Variants in POP4 observed in about 807,000 individuals in gnomAD.
POP4 encodes POP4 ribonuclease P/MRP subunit.
In POP4, 31 loss-of-function variants were observed where a neutral mutation model predicts 29.9. The ratio of observed to expected loss-of-function variants is 1.04; its 90% CI spans 0.78 to 1.40. POP4 has a LOEUF of 1.40. POP4 is among the 40% of genes most tolerant of loss of function. The probability of loss-of-function intolerance (pLI) is 0.00; values close to 1 mark genes in which losing one functional copy is unlikely to be tolerated. For synonymous variants in POP4, 110 were observed against 108.2 expected (o/e 1.02, Z -0.10); for missense variants, 286 against 282.7 (o/e 1.01, Z -0.08).
intron 1 of POP4, 68 bp downstream of exon 1, chr19:29,606,393 G>T: frequency 6.5e-7 from 1 of 1,528,308 alleles, no homozygotes; most frequent in Non-Finnish European, 8.8e-7. Context: ...ACTGGTGGGT[G>T]AAATGGGTCC....
At chr19:29,613,652 A>G (rs570324274) in intron 5 of POP4, among the ~76,000 whole-genome samples, 6 of 152,290 alleles carry the variant, frequency 3.9e-5, no homozygotes, top group East Asian at 1.9e-4. Context: ...AGGACACCTC[A>G]TAGGAACAGT....
intron 6 of POP4, among the ~76,000 whole-genome samples, chr19:29,614,338 G>A (rs187473545): frequency 1.3e-5 from 2 of 152,310 alleles, no homozygotes; most frequent in African/African-American, 2.4e-5. Flanking sequence ...CAGGAGTGGC[G>A]CCTGTCCCTG....
In POP4 at chr19:29,610,564, A is replaced by G. The variant is rs775769440; in HGVS notation, c.216A>G (p.Lys72=). 6.2e-7 allele frequency: 1 copy of G among 1,614,218 alleles called. No individual in the cohort carries two copies. Among genetic ancestry groups the G allele is most frequent in the Non-Finnish European group, 8.5e-7 (1 of 1,180,044 alleles). The change falls in exon 3 of 7, where the codon AAA becomes AAG. Residue 72 remains lysine (K), a synonymous_variant. Transcript: ENST00000585603. ...TRHKRKEKKK[K]AKGLSARQRR... ...ACAAGCGCAAGGAGAAGAAGAAGAA[A>G]GCCAAAGGCCTCTCTGCCAGGCAAA... is the stretch of plus-strand genomic sequence containing the variant.
At chr19:29,613,458 C>T (rs1971094998) in intron 5 of POP4, among the ~76,000 whole-genome samples, 1 of 152,168 alleles carries the variant, frequency 6.6e-6, no homozygotes, top group South Asian at 2.1e-4. Context: ...CTGGGCAGCT[C>T]TGCAGCCACA....
chr19:29,611,600 G>A lies in POP4; in HGVS notation c.285-262G>A, dbSNP rs778291916. ...TAACAGTAGCTTCAACAAGACTCAC[G>A]TTTATTTCTCTCTCATGAAAAGAAG... On this transcript the variant is annotated intron_variant, in intron 3 of 6. Transcript: ENST00000585603. 5.0e-5 allele frequency: 21 copies of A among 418,200 alleles called. 1 individual carries two copies. The highest frequency in any genetic ancestry group is 2.3e-4 in the East Asian group (5 of 21,408). 25.9% of individuals were successfully genotyped at this position (418,200 alleles called of 1,614,324 possible). A position where few individuals can be genotyped will look rare whatever the true frequency, so the allele number is the denominator to read the frequency against.
At chr19:29,612,043 C>T (rs1378706594) in intron 4 of POP4, 74 bp from the exon 5 acceptor site, 47 of 1,583,550 alleles carry the variant, frequency 3.0e-5, no homozygotes, top group Middle Eastern at 3.4e-4. Flanking sequence ...TGGCTGCAGA[C>T]GGTTAAAGAC....
rs770472756 is a variant in POP4 at position 29,613,974 on chromosome 19, T to C, written c.526+2T>C. On this transcript the variant is annotated splice_donor_variant, in intron 6 of 6. Coordinates refer to ENST00000585603, the MANE Select transcript of POP4 (RefSeq NM_006627.3). LOFTEE classifies it high-confidence loss of function. ...TCACCAAAGAAGACCGCCTGAAAGG[T>C]ATGTAGGTGTTTCTGAGGGCATTGC... is the stretch of plus-strand genomic sequence containing the variant. The C allele has an allele frequency of 6.2e-7, 1 of 1,609,602 alleles. No individual in the cohort carries two copies.
rs35248976 is a variant in POP4, at chr19:29,611,919, C to T, written c.342C>T (p.Cys114=). ...ELWKQYIRDL[C]SGLKPDTQPQ... is the part of the protein sequence containing the mutation. ...GGAAACAGTACATCAGGGACCTGTG[C>T]AGTGGGCTCAAGCCAGACACGTAAG... Residue 114 remains cysteine (C), a synonymous_variant, in exon 4 of 7, where the codon TGC becomes TGT. Transcript: ENST00000585603. The T allele has an allele frequency of 7.4e-4, 1,198 of 1,614,148 alleles. 10 individuals carry two copies. The African/African-American group carries it at 0.015, about 20-fold the overall frequency.
intron 6 of POP4, among the ~76,000 whole-genome samples, chr19:29,614,690 G>A (rs1166324469): frequency 6.6e-6 from 1 of 151,992 alleles, no homozygotes; most frequent in Non-Finnish European, 1.5e-5. Flanking sequence ...TTTTAGTAGA[G>A]GCAGGGTTTC....
intron 3 of POP4, chr19:29,610,902 C>T: frequency 2.1e-6 from 1 of 479,924 alleles, no homozygotes; most frequent in Non-Finnish European, 3.8e-6. Context: ...GCTGTTTGTC[C>T]TTCGGCTTTG....
intron 1 of POP4, 37 bp downstream of exon 1, chr19:29,606,362 G>C: frequency 6.3e-7 from 1 of 1,592,792 alleles, no homozygotes; most frequent in East Asian, 2.3e-5. Context: ...GGTTGGGGAC[G>C]TTAAGGGTCG....
rs13767 is a variant in POP4 at position 29,615,282 on chromosome 19, G to A, written c.565G>A (p.Asp189Asn). The change falls in exon 7 of 7, where the codon GAT becomes AAT. Residue 189 changes from aspartate (D) to asparagine (N), a missense_variant. Transcript: ENST00000585603. ...AAACTGCGTGTTCACTGTGGAAACC[G>A]ATGGCTTTATTTCCTACATTTACGG... ...KLNCVFTVETDGFISYIYGSK... is the reference protein window; with the variant it reads ...KLNCVFTVETNGFISYIYGSK... The A allele has an allele frequency of 3.4e-4, 537 of 1,557,558 alleles. 1 individual carries two copies. The African/African-American group carries it at 5.3e-3, about 15-fold the overall frequency.
chr19:29,611,759 C>A, intron 3 of POP4, 103 bp from the exon 4 acceptor site: 2 of 918,438 alleles, frequency 2.2e-6, no homozygotes, highest in African/African-American at 1.6e-5. Flanking sequence ...CTAATGATCC[C>A]AGGTTGCAGT....
At chr19:29,606,657 A>C (rs975942342) in intron 1 of POP4, among the ~76,000 whole-genome samples, 1 of 152,084 alleles carries the variant, frequency 6.6e-6, no homozygotes, top group African/African-American at 2.4e-5. Context: ...CCTTTCTGCG[A>C]GCTGGTTTCA....
Position 29,606,345 on chromosome 19 carries a change from T to C in POP4, c.7+20T>C. The stretch of plus-strand genomic sequence containing the variant: ...TGAAGAGTAAGCGGGGCCGCGAAGT[T>C]GGAGAGGGTTGGGGACGTTAAGGGT... On this transcript the variant is annotated intron_variant, in intron 1 of 6. Transcript: ENST00000585603. The C allele has an allele frequency of 6.2e-7, 1 of 1,604,312 alleles. No individual in the cohort carries two copies. Among genetic ancestry groups the C allele is most frequent in the Admixed American group, 1.7e-5 (1 of 58,324 alleles).
chr19:29,613,646 C>T (rs1971097303), intron 5 of POP4, among the ~76,000 whole-genome samples: 1 of 152,194 alleles, frequency 6.6e-6, no homozygotes, highest in Non-Finnish European at 1.5e-5. Context: ...CTCCGAAGGA[C>T]ACCTCATAGG....
chr19:29,610,623 A>G lies in POP4; in HGVS notation c.275A>G (p.Glu92Gly). 1 of 1,613,754 alleles carries G rather than the reference A, an allele frequency of 6.2e-7. No individual in the cohort carries two copies. The highest frequency in any genetic ancestry group is 1.7e-4 in the Middle Eastern group (1 of 6,040). ...CTGCGGCTCTTTGACATTAAACCAG[A>G]GCAGCAGAGGTAACCCGAGCTCCCC... Reference protein sequence around the residue: ...RELRLFDIKPEQQRYSLFLPL... With the variant: ...RELRLFDIKPGQQRYSLFLPL... Residue 92 changes from glutamate to glycine, a missense_variant, in exon 3 of 7, where the codon GAG (glutamate) becomes GGG (glycine). Glu to Gly is a moderately conservative substitution (Grantham distance 98). Transcript: ENST00000585603.
chr19:29,615,243 G>C lies in POP4; in HGVS notation c.527-1G>C. 1.9e-6 allele frequency: 2 copies of C among 1,056,740 alleles called. No individual in the cohort carries two copies. Among genetic ancestry groups the C allele is most frequent in the South Asian group, 2.5e-5 (1 of 40,450 alleles). The allele number at this position is 1,056,740 out of a possible 1,614,324, so 65.5% of individuals were successfully genotyped here. A position where few individuals can be genotyped will look rare whatever the true frequency, so the allele number is the denominator to read the frequency against. ...CCTGCCTTTTTTTTTTTTTTTTTCA[G>C]TTATCCCCAAGCTAAACTGCGTGTT... On this transcript the variant is annotated splice_acceptor_variant, in intron 6 of 6. Coordinates refer to ENST00000585603, the MANE Select transcript of POP4 (RefSeq NM_006627.3). LOFTEE classifies it high-confidence loss of function.
rs1410640376 is a variant in POP4 at position 29,616,662 on chromosome 19, A to T, written c.*1282A>T. The T allele has an allele frequency of 6.6e-6, 1 of 152,598 alleles. No individual in the cohort carries two copies. Among genetic ancestry groups the T allele is most frequent in the Non-Finnish European group, 1.5e-5 (1 of 68,358 alleles). The allele number at this position is 152,598 out of a possible 1,614,324, so 9.5% of individuals were successfully genotyped here. On this transcript the variant is annotated 3_prime_UTR_variant, in exon 7 of 7. Transcript: ENST00000585603. ...CAAAGCTCAGTGCACCCAGAGTCTC[A>T]CAGGGACCAACACGGTGCCTCGGTC...
Sources: allele counts gnomAD v4.1 joint callset (sites outside exome capture counted in the v4.1 genomes callset), GRCh38; gene constraint gnomAD v4.1.1; transcripts MANE v1.5; gene names NCBI Gene and HGNC (gene_info 2026-07-23, HGNC 2026-07-21).